The following MEIS3 variants were observed in gnomAD, a reference collection of about 807,000 sequenced individuals.
MEIS3 encodes homeobox protein Meis3.
In MEIS3, 38 loss-of-function variants were observed where a neutral mutation model predicts 51.4. The observed-to-expected ratio is 0.74, with a 90% CI of 0.57 to 0.97. The LOEUF is 0.97. Ranked by LOEUF, MEIS3 falls within the 50% of genes least tolerant of loss-of-function variation. The probability of loss-of-function intolerance (pLI) is 0.00; values close to 1 mark genes in which losing one functional copy is unlikely to be tolerated. For synonymous variants in MEIS3, 198 were observed against 201.8 expected (o/e 0.98, Z 0.16); for missense variants, 456 against 502.6 (o/e 0.91, Z 0.89).
intron 1 of MEIS3, 107 bp from the exon 2 acceptor site, chr19:47,417,457 G>T: frequency 7.2e-7 from 1 of 1,380,522 alleles, no homozygotes; most frequent in Non-Finnish European, 1.0e-6. Flanking sequence ...GCCCTTCTGT[G>T]TCCCAGAAAC....
chr19:47,416,792 G>A lies in MEIS3; in HGVS notation c.345+12C>T. The A allele has an allele frequency of 6.2e-7, 1 of 1,613,234 alleles. No homozygotes were observed. Among genetic ancestry groups the A allele is most frequent in the South Asian group, 1.1e-5 (1 of 91,072 alleles). On this transcript the variant is annotated intron_variant, in intron 3 of 12. Transcript: ENST00000558555. ...TCTCTGACTCGGTGTGTGGTGGGTG[G>A]GAGGTGCCCACCTGCTTGGCAAAGG...
chr19:47,420,792 G>A (rs1339861222), upstream of MEIS3, among the ~76,000 whole-genome samples: 1 of 151,418 alleles, frequency 6.6e-6, no homozygotes, highest in Non-Finnish European at 1.5e-5. Flanking sequence ...ATGCCGGCGG[G>A]GGACGGAGGG....
chr19:47,404,404 A>C (rs1970724354), intron 12 of MEIS3, among the ~76,000 whole-genome samples: 1 of 151,948 alleles, frequency 6.6e-6, no homozygotes, highest in South Asian at 2.1e-4. Context: ...TCCATGCATA[A>C]GCCCTGTGCA....
Position 47,407,448 on chromosome 19 carries a change from T to A in MEIS3, c.859-20A>T. On this transcript the variant is annotated intron_variant, in intron 8 of 12. Transcript: ENST00000558555. ...CGGGTGCTGCAGCCACCAGCAAGAGTCACTCTGCCTGCCTGGCCGGCCGCA... is the reference window on the plus strand; with the variant it reads ...CGGGTGCTGCAGCCACCAGCAAGAGACACTCTGCCTGCCTGGCCGGCCGCA... 1 of 1,613,296 alleles carries A rather than the reference T, an allele frequency of 6.2e-7. No homozygotes were observed. The highest frequency in any genetic ancestry group is 8.5e-7 in the Non-Finnish European group (1 of 1,179,748).
At position 47,403,502 on chromosome 19, in the gene MEIS3, G is replaced by C. The variant is rs763838726; in HGVS notation, c.*69C>G. The C allele has an allele frequency of 2.9e-5, 13 of 456,084 alleles. No homozygotes were observed. Among genetic ancestry groups the C allele is most frequent in the Admixed American group, 1.6e-4 (7 of 42,496 alleles). 28.3% of individuals were successfully genotyped at this position (456,084 alleles called of 1,614,324 possible). The stretch of plus-strand genomic sequence containing the variant: ...GTGGGGTCCTGAAGCTGGAGGACCA[G>C]GCGGGAACCAGAGGCAGGTGTGAGG... On this transcript the variant is annotated 3_prime_UTR_variant, in exon 13 of 13. Transcript: ENST00000558555.
upstream of MEIS3, among the ~76,000 whole-genome samples, chr19:47,419,989 G>A (rs945399890): frequency 1.3e-5 from 2 of 152,254 alleles, no homozygotes; most frequent in South Asian, 2.1e-4. Context: ...GGGGGCGGCG[G>A]GGGTGGGCTG....
chr19:47,411,532 TTTTTC>T (rs201771804), intron 6 of MEIS3, among the ~76,000 whole-genome samples: 33,187 of 148,118 alleles, frequency 0.22, 3,499 homozygotes, highest in Middle Eastern at 0.36. Flanking sequence ...CTGTATTATC[TTTTTC>T]TTTTCTTTTT....
In MEIS3 at chr19:47,417,179, C is replaced by G. The variant is rs1468550039; in HGVS notation, c.184G>C (p.Gly62Arg). The G allele has an allele frequency of 2.6e-6, 4 of 1,549,342 alleles. No individual in the cohort carries two copies. Among genetic ancestry groups the G allele is most frequent in the Non-Finnish European group, 3.5e-6 (4 of 1,152,824 alleles). The change falls in exon 2 of 13, where the codon GGA becomes CGA. Residue 62 changes from glycine to arginine, a missense_variant and splice_region_variant. Transcript: ENST00000558555. ...AGCCTGAGACCCGGCCCCACTCACC[C>G]ATAGATCTCATCCTTCTCCCTCTTC... ...GLKREKDEIY[G>R]HPLFPLLALV...
intron 8 of MEIS3, among the ~76,000 whole-genome samples, chr19:47,408,639 C>T (rs1041046371): frequency 2.0e-5 from 3 of 152,136 alleles, no homozygotes; most frequent in Non-Finnish European, 4.4e-5. Flanking sequence ...GTTTTAGCCT[C>T]TTCCTGGCTC....
intron 3 of MEIS3, 28 bp downstream of exon 3, chr19:47,416,776 C>G (rs765823053): frequency 6.2e-7 from 1 of 1,612,636 alleles, no homozygotes; most frequent in Non-Finnish European, 8.5e-7. Flanking sequence ...CTCTCTGACT[C>G]GGTGTGTGGT....
chr19:47,408,911 CG>C (rs1970978784), intron 8 of MEIS3, among the ~76,000 whole-genome samples, 187 bp downstream of exon 8: 1 of 152,006 alleles, frequency 6.6e-6, no homozygotes, highest in Admixed American at 6.6e-5. Flanking sequence ...GTGTCCTGAG[CG>C]GCACCTGCAC....
chr19:47,414,655 C>T, intron 6 of MEIS3, 62 bp downstream of exon 6: 4 of 1,531,800 alleles, frequency 2.6e-6, no homozygotes, highest in Non-Finnish European at 3.5e-6. Context: ...CATGCGCCCT[C>T]ATGCGGTGTC....
upstream of MEIS3, among the ~76,000 whole-genome samples, chr19:47,420,749 G>A (rs1030341692): frequency 6.6e-6 from 1 of 151,500 alleles, no homozygotes; most frequent in South Asian, 2.1e-4. Context: ...AAATAAGTGT[G>A]TGGGAGAGAA....
At chr19:47,414,187 G>A (rs1404901564) in intron 6 of MEIS3, among the ~76,000 whole-genome samples, 1 of 152,138 alleles carries the variant, frequency 6.6e-6, no homozygotes, top group Non-Finnish European at 1.5e-5. Context: ...GTGTGCAAGA[G>A]GGCACCGTGG....
At chr19:47,415,895 C>T (rs1421008622) in intron 4 of MEIS3, 1 of 151,316 alleles carries the variant, frequency 6.6e-6, no homozygotes, top group African/African-American at 2.5e-5. Context: ...CTTTCTTTCT[C>T]TTTCTCTAGC....
At chr19:47,420,974 T>TCTCTCTCTCTCTCTC (rs200497887), upstream of MEIS3, among the ~76,000 whole-genome samples, 1 of 108,128 alleles carries the variant, frequency 9.2e-6, no homozygotes, top group African/African-American at 3.6e-5. Flanking sequence ...TCTCTCTCTC[T>TCTCTCTCTCTCTCTC]TCCTGGCTGT....
intron 4 of MEIS3, chr19:47,416,289 G>C (rs775321025): frequency 2.5e-4 from 53 of 212,626 alleles, no homozygotes; most frequent in Non-Finnish European, 3.8e-4. Flanking sequence ...GCCCTATTCT[G>C]TGCCAGGTGC....
intron 10 of MEIS3, 50 bp from the exon 11 acceptor site, chr19:47,407,021 C>A: frequency 6.3e-7 from 1 of 1,581,948 alleles, no homozygotes; most frequent in Middle Eastern, 1.7e-4. Flanking sequence ...AGCCCGGGAC[C>A]CGGCTTTGAC....
In MEIS3 at chr19:47,419,076, G is replaced by T; in HGVS notation, c.6C>A (p.Ala2=). 1 of 1,246,536 alleles carries T rather than the reference G, an allele frequency of 8.0e-7. No homozygotes were observed. Among genetic ancestry groups the T allele is most frequent in the Non-Finnish European group, 1.0e-6 (1 of 996,382 alleles). The allele number at this position is 1,246,536 out of a possible 1,614,324, so 77.2% of individuals were successfully genotyped here. A position where few individuals can be genotyped will look rare whatever the true frequency, so the allele number is the denominator to read the frequency against. The change falls in exon 1 of 13, where the codon GCC becomes GCA. Residue 2 remains alanine (A), a synonymous_variant. Transcript: ENST00000558555. ...TCCCCGCCCCGAGACCTACCCTCCG[G>T]GCCATGGGCTGAGGCCGGCGGCAGC... M[A]RRYDELPHYP...
Sources: allele counts gnomAD v4.1 joint callset (sites outside exome capture counted in the v4.1 genomes callset), GRCh38; gene constraint gnomAD v4.1.1; transcripts MANE v1.5; gene names NCBI Gene and HGNC (gene_info 2026-07-23, HGNC 2026-07-21).